PUM1: variants seen among roughly 807,000 people sequenced by gnomAD.
PUM1 encodes the protein pumilio homolog 1.
PUM1 carries 13 observed loss-of-function variants against 131.8 expected under a neutral mutation model. That is an observed-to-expected ratio of 0.10 (90% CI 0.06 to 0.16). The LOEUF is 0.16. PUM1 is among the 10% of genes least tolerant of loss of function. PUM1 has a pLI of 1.00. For missense variants in PUM1, 961 were observed against 1,512.4 expected, an observed-to-expected ratio of 0.64 and a Z score of 6.05; for synonymous variants, 509 against 556.5, an observed-to-expected ratio of 0.91 and a Z score of 1.20.
chr1:31,042,833 C>G lies in PUM1; in HGVS notation c.364-13969G>C, dbSNP rs564792838. 4.5e-4 allele frequency among the ~76,000 whole-genome samples: 69 copies of G among 152,320 alleles called. No homozygotes were observed. In the South Asian group the frequency reaches 5.6e-3, roughly 12 times the overall value. ...AGGCTGGAGTGCAGTAGCACGACGTCGGCTCACTGCAGACTCCACCTCCAA... is the reference window on the plus strand; with the variant it reads ...AGGCTGGAGTGCAGTAGCACGACGTGGGCTCACTGCAGACTCCACCTCCAA... On this transcript the variant is annotated intron_variant, in intron 2 of 21. Coordinates refer to ENST00000426105, the MANE Select transcript of PUM1 (RefSeq NM_001020658.2).
At chr1:30,949,864 C>A (rs903133545) in intron 17 of PUM1, among the ~76,000 whole-genome samples, 4 of 152,006 alleles carry the variant, frequency 2.6e-5, no homozygotes, top group African/African-American at 7.2e-5. Context: ...GAAAAAAAAA[C>A]CACCTATAAA....
At chr1:31,015,639 C>T (rs1235367078) in intron 3 of PUM1, among the ~76,000 whole-genome samples, 1 of 151,068 alleles carries the variant, frequency 6.6e-6, no homozygotes, top group Non-Finnish European at 1.5e-5. Context: ...TCACGCCCAG[C>T]CACTTCAATG....
chr1:31,033,376 C>CTTTTTTTT lies in PUM1; in HGVS notation c.364-4520_364-4513dup, dbSNP rs748444500. On this transcript the variant is annotated intron_variant, in intron 2 of 21. Transcript: ENST00000426105. ...TGTGCCACCACATCCAGCTAATTTT[C>CTTTTTTTT]TTTTTTTTTTTTTTTTTTTTTTTTT... Among the ~76,000 whole-genome samples, 8 of 102,550 alleles carry CTTTTTTTT rather than the reference C, an allele frequency of 7.8e-5. 1 individual carries two copies. Among genetic ancestry groups the CTTTTTTTT allele is most frequent in the East Asian group, 5.0e-4 (1 of 2,016 alleles). 67.3% of individuals were successfully genotyped at this position (102,550 alleles called of 152,430 possible). A position where few individuals can be genotyped will look rare whatever the true frequency, so the allele number is the denominator to read the frequency against.
At chr1:31,064,708 G>A (rs1459797807) in intron 1 of PUM1, among the ~76,000 whole-genome samples, 1 of 132,930 alleles carries the variant, frequency 7.5e-6, no homozygotes, top group African/African-American at 2.8e-5. Context: ...AGTTACGGGA[G>A]AATAAAGCCT....
chr1:30,983,322 T>C (rs1055803602), intron 7 of PUM1, among the ~76,000 whole-genome samples: 6 of 152,230 alleles, frequency 3.9e-5, no homozygotes, highest in Admixed American at 3.3e-4. Flanking sequence ...GCCTCTTCAA[T>C]GGGTTTCTGG....
At chr1:30,964,333 T>C (rs1640538015) in intron 14 of PUM1, among the ~76,000 whole-genome samples, 1 of 152,182 alleles carries the variant, frequency 6.6e-6, no homozygotes, top group South Asian at 2.1e-4. Flanking sequence ...GTGGTGATAC[T>C]AGGTGATTAA....
intron 2 of PUM1, chr1:31,037,197 T>C (rs1643638930): frequency 6.5e-6 from 1 of 152,986 alleles, no homozygotes; most frequent in South Asian, 2.1e-4. Flanking sequence ...GAAAATAATA[T>C]AGATCAGATC....
At chr1:30,942,403 A>C (rs777746667) in intron 18 of PUM1, among the ~76,000 whole-genome samples, 7 of 151,606 alleles carry the variant, frequency 4.6e-5, no homozygotes, top group Non-Finnish European at 8.8e-5. Flanking sequence ...CAAGAAACAG[A>C]TAGCTAGTCA....
intron 7 of PUM1, among the ~76,000 whole-genome samples, chr1:30,988,509 G>C (rs1020965573): frequency 6.6e-6 from 1 of 152,184 alleles, no homozygotes; most frequent in East Asian, 1.9e-4. Flanking sequence ...ACCATTTGCA[G>C]CAAACTCTAA....
chr1:31,044,353 G>C (rs112541806), intron 2 of PUM1, among the ~76,000 whole-genome samples: 1 of 152,172 alleles, frequency 6.6e-6, no homozygotes, highest in African/African-American at 2.4e-5. Context: ...AGTGAGCTGA[G>C]ATCGTGCCAC....
intron 2 of PUM1, among the ~76,000 whole-genome samples, chr1:31,036,201 C>A (rs1335640409): frequency 6.6e-6 from 1 of 152,088 alleles, no homozygotes; most frequent in African/African-American, 2.4e-5. Context: ...TCCCGAGTAG[C>A]TGGGACTACG....
Position 30,952,319 on chromosome 1 carries a change from T to C in PUM1, c.2636A>G (p.Gln879Arg). The C allele has an allele frequency of 2.5e-6, 4 of 1,613,736 alleles. No individual in the cohort carries two copies. Among genetic ancestry groups the C allele is most frequent in the Non-Finnish European group, 2.5e-6 (3 of 1,179,624 alleles). ...CTGGAGGATTTCATTGAAGACAAGC[T>C]GGCGCTCAGCTGGTGTGGCACGCTC... is the stretch of plus-strand genomic sequence containing the variant. The part of the protein sequence containing the change: ...KLERATPAER[Q>R]LVFNEILQAA... The change falls in exon 16 of 22, where the codon CAG becomes CGG. Residue 879 changes from glutamine to arginine, a missense_variant. Transcript: ENST00000426105.
chr1:30,986,669 A>G (rs1641572431), intron 7 of PUM1, among the ~76,000 whole-genome samples: 1 of 152,224 alleles, frequency 6.6e-6, no homozygotes. Context: ...TCCCTTCACT[A>G]AGTATTATTA....
chr1:30,976,806 C>T (rs997367881), intron 9 of PUM1, among the ~76,000 whole-genome samples: 2 of 149,368 alleles, frequency 1.3e-5, no homozygotes, highest in East Asian at 1.9e-4. Context: ...AGAAACTGAA[C>T]GGCCTAAAAG....
chr1:30,939,428 T>C (rs900591830), intron 20 of PUM1, among the ~76,000 whole-genome samples: 13 of 152,158 alleles, frequency 8.5e-5, no homozygotes, highest in African/African-American at 3.1e-4. Flanking sequence ...CTTTCTAGGA[T>C]TTCTCTTTGT....
rs370418401 is a variant in PUM1, at chr1:31,016,369, A to C, written c.433-9267T>G. 2.6e-5 allele frequency among the ~76,000 whole-genome samples: 4 copies of C among 152,310 alleles called. No individual in the cohort carries two copies. In the South Asian group the frequency reaches 8.3e-4, roughly 32 times the overall value. On this transcript the variant is annotated intron_variant, in intron 3 of 21. Coordinates refer to ENST00000426105, the MANE Select transcript of PUM1 (RefSeq NM_001020658.2). ...TTAAAAATGTTGAGTGTTCCATCAC[A>C]AGCCAGTTTTTTTAATTAAAAATAA...
intron 7 of PUM1, among the ~76,000 whole-genome samples, chr1:30,991,692 GT>G (rs1641800079): frequency 6.6e-6 from 1 of 152,186 alleles, no homozygotes; most frequent in African/African-American, 2.4e-5. Context: ...CTCTTTTGTA[GT>G]TCAGACAGCT....
At chr1:31,001,936 G>C (rs1319721914) in intron 5 of PUM1, among the ~76,000 whole-genome samples, 3 of 152,196 alleles carry the variant, frequency 2.0e-5, no homozygotes, top group Non-Finnish European at 2.9e-5. Context: ...TGCAGATTTT[G>C]ATTCATTCGC....
chr1:30,986,246 T>C (rs2124476819), intron 7 of PUM1, among the ~76,000 whole-genome samples: 1 of 152,302 alleles, frequency 6.6e-6, no homozygotes, highest in Admixed American at 6.5e-5. Context: ...TGAGCCACCA[T>C]GCTTGGCCTC....
Sources: gnomAD v4.1 joint callset for allele counts (sites outside exome capture counted in the v4.1 genomes callset) on GRCh38, gnomAD v4.1.1 for gene constraint, MANE v1.5 for transcripts, NCBI Gene and HGNC (gene_info 2026-07-23, HGNC 2026-07-21) for gene names.